PCMTD1: variants seen among roughly 807,000 people sequenced by gnomAD.
The protein encoded by PCMTD1 is protein-L-isoaspartate O-methyltransferase domain-containing protein 1.
In PCMTD1, 12 loss-of-function variants were observed where a neutral mutation model predicts 37.6. The ratio of observed to expected loss-of-function variants is 0.32; its 90% CI spans 0.20 to 0.52. The LOEUF is 0.52. Among genes scored for constraint, PCMTD1 ranks in the 20% least tolerant of loss-of-function variants. The pLI is 0.97. For synonymous variants in PCMTD1, 117 were observed against 135.8 expected, an observed-to-expected ratio of 0.86 and a Z score of 0.96; for missense variants, 235 against 421.3, an observed-to-expected ratio of 0.56 and a Z score of 3.87.
intron 1 of PCMTD1, among the ~76,000 whole-genome samples, chr8:51,882,899 A>T (rs958317644): frequency 4.6e-5 from 7 of 150,928 alleles, no homozygotes; most frequent in African/African-American, 1.7e-4. Context: ...AGGCCGAGGC[A>T]GGCGGATCAC....
rs1055886499 is a variant in PCMTD1 at position 51,847,761 on chromosome 8, G to A, written c.308-1998C>T. Among the ~76,000 whole-genome samples, 3 of 152,062 alleles carry A rather than the reference G, an allele frequency of 2.0e-5. No homozygotes were observed. The East Asian group carries it at 5.8e-4, about 29-fold the overall frequency. Reference sequence around the variant, plus strand: ...GTGATCCATTGACTATAAAACATGAGATGTTTACATTTTCATTATCCATTA... The same window carrying A: ...GTGATCCATTGACTATAAAACATGAAATGTTTACATTTTCATTATCCATTA... On this transcript the variant is annotated intron_variant, in intron 2 of 5. Coordinates refer to ENST00000522514, the MANE Select transcript of PCMTD1 (RefSeq NM_052937.4).
chr8:51,826,283 C>A (rs1486021341), intron 5 of PCMTD1, among the ~76,000 whole-genome samples: 1 of 152,176 alleles, frequency 6.6e-6, no homozygotes, highest in Non-Finnish European at 1.5e-5. Context: ...CCAAACACTG[C>A]ATGTTCTCAC....
chr8:51,839,696 T>G, intron 3 of PCMTD1: 10 of 832,248 alleles, frequency 1.2e-5, no homozygotes, highest in Non-Finnish European at 1.4e-5. Flanking sequence ...GGGCTGACAA[T>G]TTGCACACCT....
intron 3 of PCMTD1, 95 bp from the exon 4 acceptor site, chr8:51,833,784 C>G (rs1172565863): frequency 8.6e-6 from 7 of 818,510 alleles, no homozygotes; most frequent in Non-Finnish European, 1.1e-5. Context: ...TGACGTTACC[C>G]AAATTAATTA....
At chr8:51,848,099 GAAGA>G (rs1330545494) in intron 2 of PCMTD1, among the ~76,000 whole-genome samples, 2 of 151,526 alleles carry the variant, frequency 1.3e-5, no homozygotes, top group East Asian at 1.9e-4. Context: ...TGTTTTAAAA[GAAGA>G]AAGAAAGAAA....
intron 2 of PCMTD1, among the ~76,000 whole-genome samples, chr8:51,856,405 T>A (rs2038390483): frequency 6.6e-6 from 1 of 152,188 alleles, no homozygotes; most frequent in Non-Finnish European, 1.5e-5. Context: ...CATATAATGT[T>A]GGTGGGAATG....
In PCMTD1 at chr8:51,899,017, C is replaced by CA. The variant is rs2039055940; in HGVS notation, c.-184dup. The CA allele has an allele frequency of 6.6e-7, 1 of 1,513,080 alleles. No homozygotes were observed. The highest frequency in any genetic ancestry group is 1.4e-5 in the African/African-American group (1 of 70,826). The allele number at this position is 1,513,080 out of a possible 1,614,324, so 93.7% of individuals were successfully genotyped here. On this transcript the variant is annotated 5_prime_UTR_variant, in exon 1 of 6. Transcript: ENST00000522514. Reference sequence around the variant, plus strand: ...GACGCCGCTACCACCACAATAACAACACGGACGCCACCGCCGAGTGGAGAG... The same window carrying CA: ...GACGCCGCTACCACCACAATAACAACAACGGACGCCACCGCCGAGTGGAGAG...
At chr8:51,894,161 G>A (rs2038970700) in intron 1 of PCMTD1, among the ~76,000 whole-genome samples, 1 of 149,686 alleles carries the variant, frequency 6.7e-6, no homozygotes, top group African/African-American at 2.5e-5. Context: ...GACTTCTAAA[G>A]GCAGAGATGG....
Position 51,861,239 on chromosome 8 carries a change from A to C in PCMTD1, c.-88T>G. On this transcript the variant is annotated 5_prime_UTR_variant, in exon 2 of 6. It adds an upstream start codon to the 5' untranslated region. Transcript: ENST00000522514. ...ATATTGCACTTGATTTCCAAAAATA[A>C]ATTAATCCTGGAAGGGAAGAACAAA... 6.8e-7 allele frequency: 1 copy of C among 1,464,616 alleles called. No homozygotes were observed. Among genetic ancestry groups the C allele is most frequent in the Non-Finnish European group, 9.0e-7 (1 of 1,105,418 alleles). The allele number at this position is 1,464,616 out of a possible 1,614,324, so 90.7% of individuals were successfully genotyped here.
intron 1 of PCMTD1, among the ~76,000 whole-genome samples, chr8:51,888,907 C>G (rs754009418): frequency 1.1e-4 from 16 of 152,274 alleles, no homozygotes; most frequent in Middle Eastern, 3.4e-3. Context: ...GAGACCAACA[C>G]ACACAGTAAA....
intron 1 of PCMTD1, among the ~76,000 whole-genome samples, chr8:51,878,233 A>G (rs2038740249): frequency 6.9e-6 from 1 of 144,946 alleles, no homozygotes; most frequent in African/African-American, 2.5e-5. Context: ...TTAAAATATT[A>G]TGAGATTTTT....
intron 3 of PCMTD1, chr8:51,839,492 C>T (rs1448235367): frequency 3.0e-6 from 3 of 985,242 alleles, no homozygotes; most frequent in East Asian, 1.1e-4. Context: ...ATATCTTCAT[C>T]TTGAGATGGA....
intron 3 of PCMTD1, among the ~76,000 whole-genome samples, chr8:51,839,092 CT>C (rs2038108951): frequency 1.5e-5 from 1 of 66,744 alleles, no homozygotes; most frequent in East Asian, 3.4e-4. Flanking sequence ...CATTTTTATT[CT>C]TTGAAAAAAA....
intron 2 of PCMTD1, among the ~76,000 whole-genome samples, chr8:51,850,675 C>T (rs2038291712): frequency 6.6e-6 from 1 of 152,092 alleles, no homozygotes; most frequent in Non-Finnish European, 1.5e-5. Flanking sequence ...TTGGCTAAAA[C>T]TAAATATTCA....
chr8:51,853,631 A>G (rs1249086582), intron 2 of PCMTD1, among the ~76,000 whole-genome samples: 6 of 152,318 alleles, frequency 3.9e-5, no homozygotes, highest in African/African-American at 1.4e-4. Flanking sequence ...TATTAAATAG[A>G]TTATAATATT....
At chr8:51,822,399 T>C (rs2037861493) in intron 5 of PCMTD1, among the ~76,000 whole-genome samples, 1 of 151,998 alleles carries the variant, frequency 6.6e-6, no homozygotes. Flanking sequence ...ATCTAAGGTT[T>C]TGGCCTGAGC....
chr8:51,877,982 CAAATGCATCA>C (rs1346757696), intron 1 of PCMTD1, among the ~76,000 whole-genome samples: 1 of 152,150 alleles, frequency 6.6e-6, no homozygotes, highest in Non-Finnish European at 1.5e-5. Context: ...TGTAATAAAG[CAAATGCATCA>C]AAATGCAAGC....
chr8:51,862,136 A>G (rs773604577), intron 1 of PCMTD1, among the ~76,000 whole-genome samples: 5 of 152,230 alleles, frequency 3.3e-5, no homozygotes, highest in Non-Finnish European at 5.9e-5. Context: ...CTTAAAAACC[A>G]CAATTCAAAA....
chr8:51,867,223 C>G (rs1010877777), intron 1 of PCMTD1, among the ~76,000 whole-genome samples: 4 of 151,930 alleles, frequency 2.6e-5, no homozygotes, highest in African/African-American at 9.7e-5. Context: ...GAAAAGAGAA[C>G]CCTTGTGAAC....
Sources: allele counts gnomAD v4.1 joint callset (sites outside exome capture counted in the v4.1 genomes callset), GRCh38; gene constraint gnomAD v4.1.1; transcripts MANE v1.5; gene names NCBI Gene and HGNC (gene_info 2026-07-23, HGNC 2026-07-21).